Variants in TRPM5 observed in about 807,000 individuals in gnomAD.
The protein encoded by TRPM5 is MLSN1 and TRP-related.
Under a neutral mutation model 124.9 loss-of-function variants are expected in TRPM5, and 121 were observed. The observed-to-expected ratio is 0.97, with a 90% CI of 0.84 to 1.13. The LOEUF is 1.13. Among genes scored for constraint, TRPM5 ranks in the 50% most tolerant of loss-of-function variants. The pLI is 0.00. For synonymous variants in TRPM5, 781 were observed against 700.5 expected (o/e 1.11, Z -1.81); for missense variants, 1,643 against 1,589.1 (o/e 1.03, Z -0.58).
At chr11:2,438,846 C>T in the TRPM5 span, among the ~76,000 whole-genome samples, 4 of 152,048 alleles carry the variant, frequency 2.6e-5, no homozygotes, top group Non-Finnish European at 5.9e-5. This position sits in a 1 kb window ranked among gnomAD's most constrained non-coding sequence, Gnocchi z 5.9. Context: ...TCATATGGAA[C>T]CAAAAAAGAG....
the TRPM5 span, among the ~76,000 whole-genome samples, chr11:2,443,268 A>T: frequency 5.1e-4 from 77 of 152,338 alleles, 2 homozygotes; most frequent in South Asian, 0.016. The surrounding 1 kb of genome is among the most constrained non-coding windows in gnomAD (Gnocchi z 5.0). Flanking sequence ...CCAGTTGTCC[A>T]AACGCTGCTT....
At chr11:2,432,113 T>C in the TRPM5 span, among the ~76,000 whole-genome samples, 1,278 of 152,304 alleles carry the variant, frequency 8.4e-3, 18 homozygotes, top group African/African-American at 0.029. Context: ...GGGCAGACAC[T>C]GGGCCGGGGC....
the TRPM5 span, among the ~76,000 whole-genome samples, chr11:2,442,558 T>C: frequency 1.3e-5 from 2 of 151,904 alleles, no homozygotes; most frequent in South Asian, 2.1e-4. This position sits in a 1 kb window ranked among gnomAD's most constrained non-coding sequence, Gnocchi z 5.9. Flanking sequence ...ATATAAAAAA[T>C]GCTGTTTTGA....
exon 20 of TRPM5, chr11:2,407,164 G>T: frequency 6.2e-7 from 1 of 1,610,600 alleles, no homozygotes. Flanking sequence ...AAGACCCGGC[G>T]GAGCGTCAGG....
At position 2,420,298 on chromosome 11, in the gene TRPM5, C is replaced by T. The variant is rs750055651; in HGVS notation, c.573G>A (p.Pro191=). 70 of 1,612,488 alleles carry T rather than the reference C, an allele frequency of 4.3e-5. No individual in the cohort carries two copies. In the East Asian group the frequency reaches 5.1e-4, roughly 12 times the overall value. ...GCTCCGTCAGCCCATCGCCCTTCCC[C>T]GGGGGGCCTGGCTCCACCAGGATGA... The change falls in exon 4 of 24, where the codon CCG becomes CCA. Residue 191 remains proline, a synonymous_variant. Transcript: ENST00000155858.
upstream of TRPM5, among the ~76,000 whole-genome samples, chr11:2,425,899 CTT>C (rs1845836676): frequency 6.6e-6 from 1 of 152,206 alleles, no homozygotes; most frequent in Non-Finnish European, 1.5e-5. Context: ...TCCTTCTTCT[CTT>C]CCCTTCGTCC....
At position 2,414,620 on chromosome 11, in the gene TRPM5, A is replaced by T. The variant is rs1333487808; in HGVS notation, c.1744+95T>A. On this transcript the variant is annotated intron_variant, in intron 11 of 23. Transcript: ENST00000155858. ...GGGCACCTGGAGCCCCACGGCGGTA[A>T]CAGGCAGCCCTGGCGAGGCCCAGGA... The T allele has an allele frequency of 2.1e-6, 3 of 1,419,908 alleles. No homozygotes were observed. The Admixed American group carries it at 8.4e-5, about 40-fold the overall frequency. The allele number at this position is 1,419,908 out of a possible 1,614,324, so 88.0% of individuals were successfully genotyped here. A position where few individuals can be genotyped will look rare whatever the true frequency, so the allele number is the denominator to read the frequency against.
chr11:2,414,014 C>CCCCCCCCCCCCCCCCCCCCCACCCAA, intron 12 of TRPM5, 47 bp downstream of exon 17: 1 of 533,206 alleles, frequency 1.9e-6, no homozygotes, highest in Non-Finnish European at 3.5e-6. Flanking sequence ...AGCTCGCCCG[C>CCCCCCCCCCCCCCCCCCCCCACCCAA]CCACCCCACC....
chr11:2,407,744 G>T lies in TRPM5; in HGVS notation c.2936+15C>A. ...CGCTCCAGGGCTCTCTCCTCCAGGG[G>T]TTGGGTGGAGTCACCTGAACATGGC... On this transcript the variant is annotated intron_variant, in intron 19 of 23. Coordinates refer to ENST00000155858, the Ensembl canonical transcript of TRPM5. 6.2e-7 allele frequency: 1 copy of T among 1,612,750 alleles called. No homozygotes were observed. The highest frequency in any genetic ancestry group is 1.3e-5 in the African/African-American group (1 of 75,054).
chr11:2,406,400 G>A (rs534773867), intron 21 of TRPM5, among the ~76,000 whole-genome samples: 1 of 152,206 alleles, frequency 6.6e-6, no homozygotes, highest in South Asian at 2.1e-4. Context: ...GGAAGCCAGG[G>A]GTGGGTAGTC....
intron 6 of TRPM5, 120 bp from the exon 12 acceptor site, chr11:2,417,949 T>C: frequency 9.2e-7 from 1 of 1,085,522 alleles, no homozygotes; most frequent in Non-Finnish European, 1.3e-6. Flanking sequence ...GCAGCCTGCA[T>C]GCCCACCGCC....
chr11:2,412,660 T>G (rs1304817157), intron 15 of TRPM5, 94 bp downstream of exon 20: 3 of 1,339,798 alleles, frequency 2.2e-6, no homozygotes, highest in Admixed American at 2.8e-5. Flanking sequence ...GTTTTACAGT[T>G]GGGGAGCCCC....
rs143464203 is a variant in TRPM5, at chr11:2,405,530, G to A, written c.3388C>T (p.Arg1130Trp). 218 of 1,558,768 alleles carry A rather than the reference G, an allele frequency of 1.4e-4. No homozygotes were observed. The highest frequency in any genetic ancestry group is 7.3e-4 in the African/African-American group (54 of 73,668). Reference sequence around the variant, plus strand: ...CACGCTCCCCAAACAGGCTTACTCCGGGGGCCGCCACCCTGGGCCAGCACG... The same window carrying A: ...CACGCTCCCCAAACAGGCTTACTCCAGGGGCCGCCACCCTGGGCCAGCACG... The change falls in exon 23 of 24, where the codon CGG (arginine) becomes TGG (tryptophan). Residue 1130 changes from arginine to tryptophan, a missense_variant. By Grantham distance (101) the Arg-to-Trp change is moderately radical. Coordinates refer to ENST00000155858, the Ensembl canonical transcript of TRPM5.
chr11:2,422,979 C>G, exon 1 of TRPM5: 1 of 1,613,140 alleles, frequency 6.2e-7, no homozygotes, highest in Non-Finnish European at 8.5e-7. Context: ...AAGCCCAGCT[C>G]CCGCCGGTCT....
chr11:2,422,867 C>G, intron 1 of TRPM5, 53 bp downstream of exon 6: 1 of 1,513,694 alleles, frequency 6.6e-7, no homozygotes, highest in Non-Finnish European at 9.2e-7. Context: ...AATGGGGCCT[C>G]ATGGGTTCCA....
exon 24 of TRPM5, chr11:2,404,592 A>G (rs1850274838): frequency 1.8e-5 from 5 of 276,470 alleles, no homozygotes; most frequent in Admixed American, 1.0e-4. Context: ...GCAGCTTCGC[A>G]GTCTGGATGG....
chr11:2,420,263 C>T lies in TRPM5; in HGVS notation c.608G>A (p.Arg203Lys), dbSNP rs202038266. 16 of 1,611,022 alleles carry T rather than the reference C, an allele frequency of 9.9e-6. No individual in the cohort carries two copies. In the East Asian group the frequency reaches 3.1e-4, roughly 31 times the overall value. ...CTGCTCCGAGATGTGCTTCTCCAGC[C>T]TCAGCCGCAGCTCCGTCAGCCCATC... The change falls in exon 4 of 24, where the codon AGG becomes AAG. Residue 203 changes from arginine (R) to lysine (K), a missense_variant. Arg to Lys is a conservative substitution (Grantham distance 26). Coordinates refer to ENST00000155858, the Ensembl canonical transcript of TRPM5.
Position 2,420,511 on chromosome 11 carries a change from C to T in TRPM5, c.466-106G>A, listed in dbSNP as rs113538698. 10,482 of 1,176,690 alleles carry T rather than the reference C, an allele frequency of 8.9e-3. 586 individuals carry two copies. In the African/African-American group the frequency reaches 0.14, roughly 16 times the overall value. The allele number at this position is 1,176,690 out of a possible 1,614,324, so 72.9% of individuals were successfully genotyped here. The stretch of plus-strand genomic sequence containing the variant: ...CCGTGCACACCACGCCATGGGGCCC[C>T]GCACAAGGCTTCTGCCCGAGCCTTG... On this transcript the variant is annotated intron_variant, in intron 3 of 23. Coordinates refer to ENST00000155858, the Ensembl canonical transcript of TRPM5.
At chr11:2,429,902 C>T in the TRPM5 span, among the ~76,000 whole-genome samples, 68 of 152,172 alleles carry the variant, frequency 4.5e-4, no homozygotes, top group Non-Finnish European at 9.4e-4. This position sits in a 1 kb window ranked among gnomAD's most constrained non-coding sequence, Gnocchi z 8.4. Flanking sequence ...AGTGAGTTCT[C>T]ATGAGATCTG....
Sources: gnomAD v4.1 joint callset for allele counts (sites outside exome capture counted in the v4.1 genomes callset) on GRCh38, gnomAD v4.1.1 for gene constraint, Gnocchi (gnomAD v3.1) non-coding constraint, MANE v1.5 for transcripts, NCBI Gene and HGNC (gene_info 2026-07-23, HGNC 2026-07-21) for gene names.